MTAP: variants seen among roughly 807,000 people sequenced by gnomAD.
The protein encoded by MTAP is methylthioadenosine phosphorylase.
MTAP carries 33 observed loss-of-function variants against 33.6 expected under a neutral mutation model. The ratio of observed to expected loss-of-function variants is 0.98; its 90% CI spans 0.74 to 1.31. The LOEUF (loss-of-function observed/expected upper bound fraction) is 1.31. MTAP is among the 40% of genes most tolerant of loss of function. MTAP has a pLI of 0.00. For missense variants in MTAP, 367 were observed against 360.0 expected (o/e 1.02, Z -0.16); for synonymous variants, 148 against 125.7 (o/e 1.18, Z -1.19).
rs115729689 is a variant in MTAP at position 21,852,354 on chromosome 9, G to T, written c.451-2277G>T. The stretch of plus-strand genomic sequence containing the variant: ...AAAGGGGTCTCTACTAAAATACAAA[G>T]AAAAGAATTAGCTGGCCGTGGTGGC... On this transcript the variant is annotated intron_variant, in intron 5 of 7. Transcript: ENST00000644715. 5.1e-3 allele frequency among the ~76,000 whole-genome samples: 771 copies of T among 152,006 alleles called. 3 individuals are homozygous for T. The highest frequency in any genetic ancestry group is 0.018 in the African/African-American group (731 of 41,444).
intron 4 of MTAP, among the ~76,000 whole-genome samples, chr9:21,819,466 G>A (rs1276844393): frequency 6.6e-6 from 1 of 152,154 alleles, no homozygotes; most frequent in Non-Finnish European, 1.5e-5. Flanking sequence ...CAAAGGACAG[G>A]AACTAATCCC....
At chr9:21,881,423 A>C (rs1818009812) in intron 1 of MTAP, among the ~76,000 whole-genome samples, 1 of 152,086 alleles carries the variant, frequency 6.6e-6, no homozygotes, top group Non-Finnish European at 1.5e-5. Flanking sequence ...ACTAGATCAA[A>C]CTTTAAAACT....
chr9:21,910,002 A>T (rs1328140071), intron 1 of MTAP, among the ~76,000 whole-genome samples: 1 of 152,304 alleles, frequency 6.6e-6, no homozygotes, highest in Non-Finnish European at 1.5e-5. Flanking sequence ...ACAGCATTAA[A>T]TTGCACCAGG....
In MTAP at chr9:21,842,837, A is replaced by G. The variant is rs533738811; in HGVS notation, c.450+4827A>G. ...GCGTAAATCTCACAAGACCTATAAA[A>G]CAATAATACAATGGTGAAAGAACAA... is the stretch of plus-strand genomic sequence containing the variant. On this transcript the variant is annotated intron_variant, in intron 5 of 7. Coordinates refer to ENST00000644715, the MANE Select transcript of MTAP (RefSeq NM_002451.4). Among the ~76,000 whole-genome samples, 66 of 152,318 alleles carry G rather than the reference A, an allele frequency of 4.3e-4. 1 individual carries two copies. The highest frequency in any genetic ancestry group is 3.3e-3 in the Admixed American group (51 of 15,308).
chr9:21,869,807 C>A (rs1224928558), downstream of MTAP, among the ~76,000 whole-genome samples: 1 of 152,210 alleles, frequency 6.6e-6, no homozygotes, highest in Non-Finnish European at 1.5e-5. Flanking sequence ...TAACCCCTAA[C>A]AGGTCCTGTG....
rs1256495732 is a variant in MTAP at position 21,866,990 on chromosome 9, T to G, written c.*4976T>G. 6.6e-6 allele frequency: 1 copy of G among 152,194 alleles called. No individual in the cohort carries two copies. Among genetic ancestry groups the G allele is most frequent in the Non-Finnish European group, 1.5e-5 (1 of 68,018 alleles). 9.4% of individuals were successfully genotyped at this position (152,194 alleles called of 1,614,324 possible). A position where few individuals can be genotyped will look rare whatever the true frequency, so the allele number is the denominator to read the frequency against. ...ACTGTAAATAGTACTTTAATTTCATTTTTAAGTTTATTGCTGGTATACAGA... is the reference window on the plus strand; with the variant it reads ...ACTGTAAATAGTACTTTAATTTCATGTTTAAGTTTATTGCTGGTATACAGA... On this transcript the variant is annotated 3_prime_UTR_variant, in exon 8 of 8. Coordinates refer to ENST00000644715, the MANE Select transcript of MTAP (RefSeq NM_002451.4).
rs1825844162 is a variant in MTAP, at chr9:21,865,800, T to A, written c.*3786T>A. On this transcript the variant is annotated 3_prime_UTR_variant, in exon 8 of 8. Transcript: ENST00000644715. Reference sequence around the variant, plus strand: ...AATCTCGGCATGCATTATTTCTTTGTTTTGAAGATTCACTCATGTTGCATG... The same window carrying A: ...AATCTCGGCATGCATTATTTCTTTGATTTGAAGATTCACTCATGTTGCATG... 1 of 1,016,474 alleles carries A rather than the reference T, an allele frequency of 9.8e-7. No individual in the cohort carries two copies. The highest frequency in any genetic ancestry group is 4.1e-5 in the South Asian group (1 of 24,264). 63.0% of individuals were successfully genotyped at this position (1,016,474 alleles called of 1,614,324 possible).
downstream of MTAP, among the ~76,000 whole-genome samples, chr9:21,937,920 A>C (rs926170783): frequency 2.6e-5 from 4 of 152,244 alleles, no homozygotes; most frequent in East Asian, 7.8e-4. Flanking sequence ...TAGGCAGATC[A>C]CTTGAGCCTG....
chr9:21,840,237 TAAAG>T (rs1016591899), intron 5 of MTAP, among the ~76,000 whole-genome samples: 1 of 147,128 alleles, frequency 6.8e-6, no homozygotes, highest in Non-Finnish European at 1.5e-5. Context: ...AAAAAAAAAG[TAAAG>T]AAAAGACAGG....
chr9:21,867,656 T>C (rs771017069), downstream of MTAP, among the ~76,000 whole-genome samples: 2 of 151,986 alleles, frequency 1.3e-5, no homozygotes. Context: ...GCTTGGTTAA[T>C]TTTGACACAT....
intron 5 of MTAP, among the ~76,000 whole-genome samples, chr9:21,851,825 G>T (rs1445973256): frequency 6.6e-6 from 1 of 152,146 alleles, no homozygotes; most frequent in East Asian, 1.9e-4. Flanking sequence ...TGTTAAAAGA[G>T]AGACTAGCCT....
At chr9:21,877,176 A>G (rs7854890) in intron 1 of MTAP, among the ~76,000 whole-genome samples, 13,080 of 152,002 alleles carry the variant, frequency 0.086, 731 homozygotes, top group East Asian at 0.24. Flanking sequence ...TCATTGGTGT[A>G]TAGGAATGCT....
chr9:21,822,689 A>G (rs1563834328), intron 4 of MTAP, among the ~76,000 whole-genome samples: 2 of 152,034 alleles, frequency 1.3e-5, no homozygotes. Context: ...TATCCTTGTT[A>G]ACTTTCTGTC....
At chr9:21,883,617 G>GTACCTGAGGAAAGAC (rs1350505882) in intron 1 of MTAP, among the ~76,000 whole-genome samples, 1 of 151,620 alleles carries the variant, frequency 6.6e-6, no homozygotes, top group Non-Finnish European at 1.5e-5. Flanking sequence ...TGAGGAAAGA[G>GTACCTGAGGAAAGAC]TACCTAAGGA....
At chr9:21,823,245 A>G (rs1307547021) in intron 4 of MTAP, among the ~76,000 whole-genome samples, 1 of 152,050 alleles carries the variant, frequency 6.6e-6, no homozygotes, top group Non-Finnish European at 1.5e-5. Context: ...ATATTTTGGC[A>G]TGTTTTTGCA....
chr9:21,825,139 A>G (rs1460450743), intron 4 of MTAP, among the ~76,000 whole-genome samples: 1 of 152,154 alleles, frequency 6.6e-6, no homozygotes, highest in East Asian at 1.9e-4. Context: ...CCCCAGTGAG[A>G]TGAACCCGGT....
chr9:21,840,435 G>A (rs1055930028), intron 5 of MTAP, among the ~76,000 whole-genome samples: 1 of 152,196 alleles, frequency 6.6e-6, no homozygotes, highest in South Asian at 2.1e-4. Context: ...CAAAGTGTGA[G>A]TCGGGGAGAA....
At chr9:21,937,372 T>C (rs1205521414) in exon 8 of MTAP, 5 of 152,204 alleles carry the variant, frequency 3.3e-5, no homozygotes, top group East Asian at 1.9e-4. Context: ...AAAAGTAAAC[T>C]GATGCAAAAC....
chr9:21,855,776 C>G (rs1031582333), intron 6 of MTAP, among the ~76,000 whole-genome samples: 1 of 152,138 alleles, frequency 6.6e-6, no homozygotes, highest in Admixed American at 6.5e-5. Context: ...GTACCCATCA[C>G]TTAGGTTCCA....
Sources: allele counts gnomAD v4.1 joint callset (sites outside exome capture counted in the v4.1 genomes callset), GRCh38; gene constraint gnomAD v4.1.1; transcripts MANE v1.5; gene names NCBI Gene and HGNC (gene_info 2026-07-23, HGNC 2026-07-21).